The following RANBP2 variants were observed in gnomAD, a reference collection of about 807,000 sequenced individuals.
The protein encoded by RANBP2 is E3 SUMO-protein ligase RanBP2.
A neutral mutation model predicts 303.6 loss-of-function variants in RANBP2; 57 were observed. The ratio of observed to expected loss-of-function variants is 0.19; its 90% CI spans 0.15 to 0.23. The LOEUF is 0.23. RANBP2 is among the 10% of genes least tolerant of loss of function. RANBP2 has a pLI of 1.00. For synonymous variants in RANBP2, 1,167 were observed against 1,301.5 expected (o/e 0.90, Z 2.23); for missense variants, 3,138 against 3,780.8 (o/e 0.83, Z 4.46).
the RANBP2 span, among the ~76,000 whole-genome samples, chr2:109,138,656 C>G: frequency 7.9e-5 from 12 of 152,198 alleles, no homozygotes; most frequent in Middle Eastern, 3.2e-3. Flanking sequence ...GTCACTCTTC[C>G]TCTGGGTCTG....
the RANBP2 span, among the ~76,000 whole-genome samples, chr2:109,262,267 G>C: frequency 6.6e-6 from 1 of 152,240 alleles, no homozygotes; most frequent in Admixed American, 6.5e-5. Context: ...AGAGAAACCA[G>C]TTGTCTAAGT....
the RANBP2 span, among the ~76,000 whole-genome samples, chr2:109,627,433 G>A: frequency 1.3e-5 from 2 of 152,198 alleles, no homozygotes; most frequent in African/African-American, 2.4e-5. Context: ...CTGAGCTCAG[G>A]TGATCCACTC....
chr2:109,725,352 G>A, the RANBP2 span, among the ~76,000 whole-genome samples: 1 of 152,354 alleles, frequency 6.6e-6, no homozygotes, highest in African/African-American at 2.4e-5. Context: ...AGTGGAGGGG[G>A]TGGAAGAGAA....
rs1256543780 is a variant in RANBP2 at position 108,764,600 on chromosome 2, C to G, written c.4061C>G (p.Ser1354Cys). The change falls in exon 20 of 29, where the codon TCT (serine) becomes TGT (cysteine). Residue 1354 changes from serine to cysteine, a missense_variant. Physicochemically the swap from Ser to Cys is moderately radical, Grantham distance 112. Transcript: ENST00000283195. Reference protein sequence around the residue: ...FEFQVAKKEGSWWHCNSCSLK... With the variant: ...FEFQVAKKEGCWWHCNSCSLK... ...TTTCAGGTTGCAAAGAAAGAAGGGT[C>G]TTGGTGGCATTGTAACAGCTGCTCA... is the stretch of plus-strand genomic sequence containing the variant. The G allele has an allele frequency of 6.2e-7, 1 of 1,614,034 alleles. No homozygotes were observed. The highest frequency in any genetic ancestry group is 2.2e-5 in the East Asian group (1 of 44,876).
At chr2:109,115,683 C>G in the RANBP2 span, among the ~76,000 whole-genome samples, 1 of 152,180 alleles carries the variant, frequency 6.6e-6, no homozygotes, top group African/African-American at 2.4e-5. Flanking sequence ...TTGATGTTAG[C>G]TGGTTATTTT....
chr2:109,608,863 C>T, the RANBP2 span, among the ~76,000 whole-genome samples: 4 of 152,262 alleles, frequency 2.6e-5, no homozygotes, highest in Admixed American at 2.6e-4. Flanking sequence ...GTTCTCATTA[C>T]AAAAGCTTTG....
At chr2:108,911,860 T>C in the RANBP2 span, among the ~76,000 whole-genome samples, 1 of 152,208 alleles carries the variant, frequency 6.6e-6, no homozygotes, top group African/African-American at 2.4e-5. Flanking sequence ...GCCTCCCCTG[T>C]GGGTGCATCT....
chr2:109,194,184 C>A, the RANBP2 span, among the ~76,000 whole-genome samples: 1 of 152,248 alleles, frequency 6.6e-6, no homozygotes, highest in South Asian at 2.1e-4. Context: ...GTTGGAATCC[C>A]TGAAACAGGC....
At chr2:109,167,926 T>G in the RANBP2 span, among the ~76,000 whole-genome samples, 2 of 152,160 alleles carry the variant, frequency 1.3e-5, no homozygotes, top group Non-Finnish European at 2.9e-5. Context: ...GGAGCTATAG[T>G]TGTGTTTATT....
chr2:109,376,618 T>A, the RANBP2 span, among the ~76,000 whole-genome samples: 1 of 152,068 alleles, frequency 6.6e-6, no homozygotes, highest in Non-Finnish European at 1.5e-5. Context: ...CCAGGTAGAG[T>A]AATGGGGAGA....
the RANBP2 span, among the ~76,000 whole-genome samples, chr2:109,113,585 G>A: frequency 6.6e-6 from 1 of 152,190 alleles, no homozygotes; most frequent in Non-Finnish European, 1.5e-5. Flanking sequence ...TGCAAACAGG[G>A]ACAATTTGAC....
At chr2:109,563,469 A>G in the RANBP2 span, among the ~76,000 whole-genome samples, 1 of 152,196 alleles carries the variant, frequency 6.6e-6, no homozygotes, top group East Asian at 1.9e-4. Flanking sequence ...GAGAGTTTAA[A>G]ATAGCACTTG....
chr2:109,422,445 C>G, the RANBP2 span, among the ~76,000 whole-genome samples: 2 of 152,168 alleles, frequency 1.3e-5, no homozygotes, highest in Non-Finnish European at 2.9e-5. Flanking sequence ...ATGTTCTTGC[C>G]CCTTCTTCCA....
At chr2:108,836,616 G>A in the RANBP2 span, among the ~76,000 whole-genome samples, 1 of 152,182 alleles carries the variant, frequency 6.6e-6, no homozygotes, top group African/African-American at 2.4e-5. Flanking sequence ...TAGGGATTTT[G>A]GTAGAGATGA....
chr2:109,733,016 A>T, the RANBP2 span: 1 of 579,548 alleles, frequency 1.7e-6, no homozygotes, highest in Non-Finnish European at 3.4e-6. Flanking sequence ...TTATTGTAGG[A>T]GGGGTCTTCC....
the RANBP2 span, among the ~76,000 whole-genome samples, chr2:109,051,193 A>G: frequency 2.6e-5 from 4 of 152,202 alleles, no homozygotes; most frequent in Non-Finnish European, 5.9e-5. Flanking sequence ...TTATGTAACT[A>G]TGCTTGCAAC....
the RANBP2 span, among the ~76,000 whole-genome samples, chr2:108,949,224 C>G: frequency 1.7e-4 from 26 of 152,244 alleles, no homozygotes; most frequent in Middle Eastern, 3.4e-3. Context: ...TCAAGTGTTC[C>G]ACCTGCCTTG....
At chr2:109,250,260 A>C in the RANBP2 span, among the ~76,000 whole-genome samples, 3 of 152,128 alleles carry the variant, frequency 2.0e-5, no homozygotes. Context: ...GAATGTTTAG[A>C]ACTTTGGAAG....
the RANBP2 span, among the ~76,000 whole-genome samples, chr2:109,652,533 A>G: frequency 6.6e-6 from 1 of 152,140 alleles, no homozygotes; most frequent in Admixed American, 6.6e-5. Flanking sequence ...TCATCACCGT[A>G]TCCTGAGAAA....
Sources: allele counts gnomAD v4.1 joint callset (sites outside exome capture counted in the v4.1 genomes callset), GRCh38; gene constraint gnomAD v4.1.1; transcripts MANE v1.5; gene names NCBI Gene and HGNC (gene_info 2026-07-23, HGNC 2026-07-21).